Variants in SENP7 observed in about 807,000 individuals in gnomAD.
The protein encoded by SENP7 is sentrin-specific protease 7.
A neutral mutation model predicts 141.2 loss-of-function variants in SENP7; 64 were observed. That is an observed-to-expected ratio of 0.45 (90% confidence interval 0.37 to 0.56). SENP7 has a LOEUF of 0.56. Among genes scored for constraint, SENP7 ranks in the 20% least tolerant of loss-of-function variants. The pLI is 0.00. For synonymous variants in SENP7, 382 were observed against 426.4 expected, an observed-to-expected ratio of 0.90 and a Z score of 1.28; for missense variants, 1,025 against 1,212.2, an observed-to-expected ratio of 0.85 and a Z score of 2.29.
At chr3:101,406,941 CA>C (rs1274861041) in intron 5 of SENP7, among the ~76,000 whole-genome samples, 4 of 152,168 alleles carry the variant, frequency 2.6e-5, no homozygotes, top group African/African-American at 9.7e-5. Flanking sequence ...AAACAATTAT[CA>C]GCCAAGAATT....
At chr3:101,337,735 G>T in intron 16 of SENP7, 104 bp from the exon 17 acceptor site, 2 of 1,025,952 alleles carry the variant, frequency 1.9e-6, no homozygotes, top group South Asian at 2.5e-5. Context: ...TATCTATTTT[G>T]ATTCAAAGCA....
intron 12 of SENP7, among the ~76,000 whole-genome samples, chr3:101,350,994 G>C (rs1340427124): frequency 6.6e-6 from 1 of 151,966 alleles, no homozygotes; most frequent in East Asian, 1.9e-4. Flanking sequence ...TACTTTGATA[G>C]CATCTCCAAT....
At position 101,438,074 on chromosome 3, in the gene SENP7, A is replaced by G. The variant is rs570107290; in HGVS notation, c.285-20284T>C. ...TCAAGAAATTAAAAATATCATTACT[A>G]TAAGACCAAGCAATTCCACTTCTGG... On this transcript the variant is annotated intron_variant, in intron 4 of 23. Transcript: ENST00000394095. Among the ~76,000 whole-genome samples, 275 of 152,312 alleles carry G rather than the reference A, an allele frequency of 1.8e-3. 1 individual carries two copies. Among genetic ancestry groups the G allele is most frequent in the Middle Eastern group, 3.4e-3 (1 of 294 alleles).
At chr3:101,512,313 T>A (rs78835853) in intron 1 of SENP7, among the ~76,000 whole-genome samples, 94 of 152,334 alleles carry the variant, frequency 6.2e-4, no homozygotes, top group African/African-American at 2.2e-3. Flanking sequence ...GGATGAAATG[T>A]TTGATAAAAA....
rs186984607 is a variant in SENP7 at position 101,456,567 on chromosome 3, A to G, written c.284+2388T>C. ...ACAGAAGTCAGATGTCGTAAATTCT[A>G]TAAGGAAGGCCAAACAATTATCTTT... On this transcript the variant is annotated intron_variant, in intron 4 of 23. Transcript: ENST00000394095. Among the ~76,000 whole-genome samples the G allele has an allele frequency of 2.6e-4, 39 of 152,316 alleles. 1 individual carries two copies. Among genetic ancestry groups the G allele is most frequent in the Admixed American group, 2.2e-3 (33 of 15,290 alleles).
intron 16 of SENP7, among the ~76,000 whole-genome samples, chr3:101,337,886 G>A (rs749604423): frequency 1.3e-5 from 2 of 152,092 alleles, no homozygotes; most frequent in Non-Finnish European, 2.9e-5. Flanking sequence ...CAGGCACGGT[G>A]GCTCACGCCT....
At chr3:101,380,435 G>GCC (rs11348061) in intron 6 of SENP7, among the ~76,000 whole-genome samples, 9 of 95,162 alleles carry the variant, frequency 9.5e-5, no homozygotes, top group Non-Finnish European at 1.4e-4. Flanking sequence ...GCAAACCACC[G>GCC]CCCCCCCCCC....
At position 101,324,605 on chromosome 3, in the gene SENP7, C is replaced by A. The variant is rs2058855232; in HGVS notation, c.*1338G>T. On this transcript the variant is annotated 3_prime_UTR_variant, in exon 24 of 24. Transcript: ENST00000394095. The stretch of plus-strand genomic sequence containing the variant: ...AATATAAAGATAGTGCCAAAATCAA[C>A]AAAAGCTAAGAATACTGAGGCTTAA... The A allele has an allele frequency of 6.6e-6, 1 of 151,900 alleles. No individual in the cohort carries two copies. Among genetic ancestry groups the A allele is most frequent in the Non-Finnish European group, 1.5e-5 (1 of 67,924 alleles). 9.4% of individuals were successfully genotyped at this position (151,900 alleles called of 1,614,324 possible).
At chr3:101,409,613 A>G (rs904653779) in intron 5 of SENP7, among the ~76,000 whole-genome samples, 1 of 152,206 alleles carries the variant, frequency 6.6e-6, no homozygotes, top group Non-Finnish European at 1.5e-5. Context: ...GAGAATAGAG[A>G]ACACAGAAAT....
intron 3 of SENP7, among the ~76,000 whole-genome samples, chr3:101,463,364 A>AATAAAT (rs1553744606): frequency 2.3e-3 from 204 of 89,148 alleles, no homozygotes; most frequent in South Asian, 4.7e-3. Context: ...TAAATAAATA[A>AATAAAT]ATATATATAT....
At chr3:101,359,770 A>C (rs1218447216) in intron 11 of SENP7, among the ~76,000 whole-genome samples, 1 of 152,122 alleles carries the variant, frequency 6.6e-6, no homozygotes, top group Non-Finnish European at 1.5e-5. Flanking sequence ...GCAACGATAT[A>C]TACTATACAG....
intron 2 of SENP7, among the ~76,000 whole-genome samples, chr3:101,499,535 A>ATTTTTTTTTT (rs55855998): frequency 2.9e-4 from 40 of 138,756 alleles, no homozygotes; most frequent in African/African-American, 3.5e-4. Flanking sequence ...TGCCCAGCTA[A>ATTTTTTTTTT]TTTTTTTTTT....
rs2065566564 is a variant in SENP7, at chr3:101,505,533, A to C, written c.41-4414T>G. On this transcript the variant is annotated intron_variant, in intron 1 of 23. Coordinates refer to ENST00000394095, the MANE Select transcript of SENP7 (RefSeq NM_020654.5). ...ATTTATGTTTTTTTCTTCTTGGCCA[A>C]CTTTGTCTAATAAAAAAATTTACAA... Among the ~76,000 whole-genome samples, 6 of 151,976 alleles carry C rather than the reference A, an allele frequency of 3.9e-5. No individual in the cohort carries two copies. The South Asian group carries it at 1.2e-3, about 32-fold the overall frequency.
intron 12 of SENP7, among the ~76,000 whole-genome samples, chr3:101,349,720 A>G (rs1296913248): frequency 6.6e-6 from 1 of 152,166 alleles, no homozygotes; most frequent in Non-Finnish European, 1.5e-5. Flanking sequence ...TTTTTAAAAA[A>G]AGGGAATTTA....
At chr3:101,438,957 G>A (rs1186974350) in intron 4 of SENP7, among the ~76,000 whole-genome samples, 4 of 140,338 alleles carry the variant, frequency 2.9e-5, no homozygotes, top group East Asian at 2.1e-4. Flanking sequence ...GTGCCACCCC[G>A]TCTGGGAAGT....
Position 101,416,354 on chromosome 3 carries a change from T to A in SENP7, c.482+1239A>T, listed in dbSNP as rs575787134. Among the ~76,000 whole-genome samples, 83 of 152,310 alleles carry A rather than the reference T, an allele frequency of 5.4e-4. 1 individual carries two copies. In the East Asian group the frequency reaches 0.014, roughly 27 times the overall value. On this transcript the variant is annotated intron_variant, in intron 5 of 23. Coordinates refer to ENST00000394095, the MANE Select transcript of SENP7 (RefSeq NM_020654.5). Reference sequence around the variant, plus strand: ...AGAATGGACTACCACACTGTTCTGATTGGAAAAAGGACAGATGTAGGATGA... The same window carrying A: ...AGAATGGACTACCACACTGTTCTGAATGGAAAAAGGACAGATGTAGGATGA...
At chr3:101,341,548 C>A in intron 15 of SENP7, 98 bp downstream of exon 15, 2 of 1,126,542 alleles carry the variant, frequency 1.8e-6, no homozygotes, top group Non-Finnish European at 1.2e-6. Context: ...GAAAGTAAAA[C>A]TTAAAACATT....
intron 1 of SENP7, among the ~76,000 whole-genome samples, chr3:101,508,047 C>CAAAAAAAA (rs61638290): frequency 1.1e-5 from 1 of 90,126 alleles, no homozygotes. Context: ...GACTCCATCT[C>CAAAAAAAA]AAAAAAAAAA....
intron 11 of SENP7, chr3:101,358,432 G>T: frequency 5.0e-6 from 2 of 396,848 alleles, no homozygotes; most frequent in Admixed American, 3.0e-5. Flanking sequence ...CTATAAATGT[G>T]ATGAATGTGG....
Sources: gnomAD v4.1 joint callset for allele counts (sites outside exome capture counted in the v4.1 genomes callset) on GRCh38, gnomAD v4.1.1 for gene constraint, MANE v1.5 for transcripts, NCBI Gene and HGNC (gene_info 2026-07-23, HGNC 2026-07-21) for gene names.